GNAL: variants seen among roughly 807,000 people sequenced by gnomAD.
The protein encoded by GNAL is guanine nucleotide-binding protein G(olf) subunit alpha.
In GNAL, 18 loss-of-function variants were observed where a neutral mutation model predicts 55.1. The ratio of observed to expected loss-of-function variants is 0.33; its 90% CI spans 0.23 to 0.48. The LOEUF (loss-of-function observed/expected upper bound fraction) is 0.48. GNAL is among the 20% of genes least tolerant of loss of function. The probability of loss-of-function intolerance (pLI) is 0.99; values close to 1 mark genes in which losing one functional copy is unlikely to be tolerated. For missense variants in GNAL, 412 were observed against 614.1 expected (o/e 0.67, Z 3.48); for synonymous variants, 253 against 237.0 (o/e 1.07, Z -0.62).
intron 1 of GNAL, among the ~76,000 whole-genome samples, chr18:11,693,505 G>T (rs1282265446): frequency 2.0e-5 from 3 of 152,146 alleles, no homozygotes; most frequent in Admixed American, 6.5e-5. Context: ...ACACACAAAG[G>T]TTCTTGATTT....
At chr18:11,873,507 T>G (rs1473037764) in intron 10 of GNAL, among the ~76,000 whole-genome samples, 2 of 152,244 alleles carry the variant, frequency 1.3e-5, no homozygotes, top group African/African-American at 4.8e-5. Context: ...CAGCTCTGCC[T>G]GTGGTCTCAC....
chr18:11,697,531 A>G (rs112293855), intron 1 of GNAL, among the ~76,000 whole-genome samples: 27 of 151,680 alleles, frequency 1.8e-4, no homozygotes, highest in African/African-American at 6.0e-4. Context: ...GCACTCCAGC[A>G]TGGGGGAGAG....
At chr18:11,762,227 C>T (rs182541840) in intron 4 of GNAL, among the ~76,000 whole-genome samples, 99 of 152,286 alleles carry the variant, frequency 6.5e-4, no homozygotes, top group Middle Eastern at 3.4e-3. Context: ...CTGTCTTTCC[C>T]GTGAAAGGTT....
intron 4 of GNAL, among the ~76,000 whole-genome samples, chr18:11,774,869 C>T (rs945632230): frequency 2.0e-5 from 3 of 152,150 alleles, no homozygotes; most frequent in South Asian, 2.1e-4. Flanking sequence ...ATAGACATTG[C>T]GGGTATATTT....
At chr18:11,785,793 G>A (rs1299671551) in intron 4 of GNAL, among the ~76,000 whole-genome samples, 3 of 152,094 alleles carry the variant, frequency 2.0e-5, no homozygotes, top group Non-Finnish European at 2.9e-5. Flanking sequence ...CGATGGCCTC[G>A]GCCATGAATG....
At chr18:11,771,159 A>G (rs770325189) in intron 4 of GNAL, among the ~76,000 whole-genome samples, 1 of 151,646 alleles carries the variant, frequency 6.6e-6, no homozygotes, top group Non-Finnish European at 1.5e-5. Context: ...CAGAGGTTAC[A>G]GTGAGCCGAA....
At chr18:11,798,118 A>G (rs1282529659) in intron 4 of GNAL, among the ~76,000 whole-genome samples, 1 of 152,170 alleles carries the variant, frequency 6.6e-6, no homozygotes, top group Non-Finnish European at 1.5e-5. Flanking sequence ...CTATAGTCCC[A>G]GTTACTCTGG....
chr18:11,706,710 C>A (rs2031721140), intron 1 of GNAL, among the ~76,000 whole-genome samples: 1 of 152,172 alleles, frequency 6.6e-6, no homozygotes, highest in Admixed American at 6.5e-5. Flanking sequence ...AACATTGCAT[C>A]TAAAGAAACC....
rs1383175795 is a variant in GNAL, at chr18:11,768,901, A to AT, written c.624+14956_624+14957insT. On this transcript the variant is annotated intron_variant, in intron 4 of 11. Transcript: ENST00000334049. Reference sequence around the variant, plus strand: ...GGAGCAAGACTCTGTCTCAAAAAAAAAAAAAAATATATATATAACATATTA... The same window carrying AT: ...GGAGCAAGACTCTGTCTCAAAAAAAATAAAAAAATATATATATAACATATTA... 1.3e-3 allele frequency among the ~76,000 whole-genome samples: 168 copies of AT among 129,876 alleles called. 7 individuals carry two copies. The highest frequency in any genetic ancestry group is 4.3e-3 in the African/African-American group (133 of 30,902). 85.2% of individuals were successfully genotyped at this position (129,876 alleles called of 152,430 possible). A position where few individuals can be genotyped will look rare whatever the true frequency, so the allele number is the denominator to read the frequency against.
At chr18:11,769,053 T>G (rs1371237594) in intron 4 of GNAL, among the ~76,000 whole-genome samples, 1 of 90,454 alleles carries the variant, frequency 1.1e-5, no homozygotes, top group South Asian at 2.5e-4. Context: ...ATAATATATA[T>G]AATATATATT....
intron 5 of GNAL, among the ~76,000 whole-genome samples, chr18:11,827,506 C>CA (rs1555655249): frequency 0.062 from 9,455 of 151,762 alleles, 445 homozygotes; most frequent in African/African-American, 0.12. Context: ...CCCAGCTACT[C>CA]GGAGGTTGAG....
rs200432169 is a variant in GNAL at position 11,752,397 on chromosome 18, A to C, written c.377-456A>C. 2 of 1,581,136 alleles carry C rather than the reference A, an allele frequency of 1.3e-6. No homozygotes were observed. Among genetic ancestry groups the C allele is most frequent in the South Asian group, 2.3e-5 (2 of 87,402 alleles). On this transcript the variant is annotated intron_variant, in intron 1 of 11. Transcript: ENST00000334049. This position sits in a 1 kb window ranked among gnomAD's most constrained non-coding sequence, Gnocchi z 4.5. ...CAACTCTCTATTGCTTTTTGCGCAC[A>C]TTCCTAACTTCCTGACGTCCATCCC...
intron 4 of GNAL, among the ~76,000 whole-genome samples, chr18:11,796,300 G>A (rs550295208): frequency 7.2e-5 from 11 of 152,234 alleles, no homozygotes; most frequent in African/African-American, 1.7e-4. Context: ...CCACTGGGCC[G>A]GGCGCAGTGG....
At chr18:11,778,139 A>C (rs2033834708) in intron 4 of GNAL, among the ~76,000 whole-genome samples, 2 of 152,194 alleles carry the variant, frequency 1.3e-5, no homozygotes, top group African/African-American at 2.4e-5. Context: ...ATGTATGGTG[A>C]ATAGTGACTG....
chr18:11,852,141 C>CCA, intron 5 of GNAL: 1 of 1,539,076 alleles, frequency 6.5e-7, no homozygotes, highest in Non-Finnish European at 8.8e-7. Flanking sequence ...GTTTCCTGGC[C>CCA]ATAGCCACCC....
At chr18:11,859,261 G>A (rs1486853265) in intron 5 of GNAL, among the ~76,000 whole-genome samples, 3 of 152,184 alleles carry the variant, frequency 2.0e-5, no homozygotes, top group Admixed American at 1.3e-4. Flanking sequence ...TGTGAGGGAA[G>A]CAGCCTTCTC....
At chr18:11,734,131 CTTTTCT>C (rs993769781) in intron 1 of GNAL, among the ~76,000 whole-genome samples, 1 of 150,408 alleles carries the variant, frequency 6.6e-6, no homozygotes, top group South Asian at 2.1e-4. Flanking sequence ...GAGCAATAAG[CTTTTCT>C]TTTTCTTTTT....
chr18:11,824,628 C>T (rs922356056), intron 4 of GNAL, among the ~76,000 whole-genome samples: 4 of 151,762 alleles, frequency 2.6e-5, no homozygotes, highest in Admixed American at 6.6e-5. Flanking sequence ...GCGGAGGTTG[C>T]GGTGAACCAA....
chr18:11,717,630 A>G (rs1397033870), intron 1 of GNAL, among the ~76,000 whole-genome samples: 3 of 152,238 alleles, frequency 2.0e-5, no homozygotes, highest in African/African-American at 7.2e-5. Flanking sequence ...GAACGAGGTC[A>G]TGTCCTTTGC....
Sources: allele counts gnomAD v4.1 joint callset (sites outside exome capture counted in the v4.1 genomes callset), GRCh38; gene constraint gnomAD v4.1.1; non-coding constraint Gnocchi (gnomAD v3.1); transcripts MANE v1.5; gene names NCBI Gene and HGNC (gene_info 2026-07-23, HGNC 2026-07-21).